The following ZAR1L variants were observed in gnomAD, a reference collection of about 807,000 sequenced individuals.
ZAR1L encodes the protein zygote arrest 1 like.
In ZAR1L, 16 loss-of-function variants were observed where a neutral mutation model predicts 30.0. The observed-to-expected ratio is 0.53, with a 90% CI of 0.36 to 0.81. The LOEUF is 0.81. ZAR1L is among the 30% of genes least tolerant of loss of function. ZAR1L has a pLI of 0.00. For synonymous variants in ZAR1L, 197 were observed against 166.8 expected (o/e 1.18, Z -1.40); for missense variants, 392 against 417.2 (o/e 0.94, Z 0.53).
At position 32,312,099 on chromosome 13, in the gene ZAR1L, T is replaced by G. The variant is rs1209481919; in HGVS notation, c.-168-6A>C. 1.6e-5 allele frequency: 12 copies of G among 766,584 alleles called. No individual in the cohort carries two copies. The South Asian group carries it at 1.6e-4, about 10-fold the overall frequency. 47.5% of individuals were successfully genotyped at this position (766,584 alleles called of 1,614,324 possible). A position where few individuals can be genotyped will look rare whatever the true frequency, so the allele number is the denominator to read the frequency against. On this transcript the variant is annotated splice_region_variant and splice_polypyrimidine_tract_variant and intron_variant, in intron 2 of 5. Coordinates refer to ENST00000533490, the MANE Select transcript of ZAR1L (RefSeq NM_001136571.2). Reference sequence around the variant, plus strand: ...GGGAGCTGCTGCTTATTACCCTGATTGAGGGAGAGAAGCTCTATCTACAGA... The same window carrying G: ...GGGAGCTGCTGCTTATTACCCTGATGGAGGGAGAGAAGCTCTATCTACAGA...
At chr13:32,306,518 A>T (rs1403025570) in intron 5 of ZAR1L, among the ~76,000 whole-genome samples, 1 of 152,250 alleles carries the variant, frequency 6.6e-6, no homozygotes, top group Non-Finnish European at 1.5e-5. Flanking sequence ...TTACTTCAAA[A>T]GAGATGCAAT....
intron 2 of ZAR1L, among the ~76,000 whole-genome samples, chr13:32,312,391 G>C (rs2072219716): frequency 2.0e-5 from 3 of 152,188 alleles, no homozygotes; most frequent in African/African-American, 7.2e-5. Flanking sequence ...AGATAATCCA[G>C]TAATCCCACC....
chr13:32,303,886 A>G lies in ZAR1L; in HGVS notation c.959T>C (p.Val320Ala). 1 of 1,551,720 alleles carries G rather than the reference A, an allele frequency of 6.4e-7. No individual in the cohort carries two copies. ...SCGNIYSFKYVM is the reference protein window; with the variant it reads ...SCGNIYSFKYAM ...CAAGTCACACTGTACAAGTCACATC[A>G]CATATTTAAAGCTGTAAATATTGCC... The change falls in exon 6 of 6, where the codon GTG becomes GCG. Residue 320 changes from valine to alanine, a missense_variant. By Grantham distance (64) the Val-to-Ala change is moderately conservative. Transcript: ENST00000533490.
chr13:32,311,336 T>C lies in ZAR1L; in HGVS notation c.590A>G (p.Glu197Gly). Residue 197 changes from glutamate (E) to glycine (G), a missense_variant, in exon 3 of 6, where the codon GAG (glutamate) becomes GGG (glycine). Transcript: ENST00000533490. ...TCCAGGCACCTGCTTGCTCTTCGTC[T>C]CCTGAGGGCACGGGGCGTCTTTCTC... ...SGEKDAPCPQ[E>G]TKSKQVPGDA... The C allele has an allele frequency of 6.4e-7, 1 of 1,550,968 alleles. No homozygotes were observed. The highest frequency in any genetic ancestry group is 8.7e-7 in the Non-Finnish European group (1 of 1,146,958).
chr13:32,311,228 G>T (rs535533648), intron 3 of ZAR1L, 44 bp downstream of exon 3: 1 of 1,496,556 alleles, frequency 6.7e-7, no homozygotes. Context: ...GGAGGGAGGG[G>T]ATGAGGCTGG....
intron 5 of ZAR1L, 97 bp downstream of exon 5, chr13:32,308,585 CACAT>C: frequency 1.2e-6 from 1 of 819,504 alleles, no homozygotes. Context: ...ACAGAACACT[CACAT>C]ACCAATATCC....
chr13:32,309,367 G>A (rs1415423455), intron 4 of ZAR1L, among the ~76,000 whole-genome samples: 2 of 152,162 alleles, frequency 1.3e-5, no homozygotes, highest in African/African-American at 2.4e-5. Context: ...TACCACAGTA[G>A]ATACTCAATG....
intron 5 of ZAR1L, among the ~76,000 whole-genome samples, chr13:32,308,292 C>T (rs1157815806): frequency 3.3e-5 from 5 of 152,174 alleles, no homozygotes; most frequent in African/African-American, 1.2e-4. Flanking sequence ...TTATTTTGAA[C>T]TTAGCTTTCA....
At position 32,311,842 on chromosome 13, in the gene ZAR1L, C is replaced by A; in HGVS notation, c.84G>T (p.Gly28=). The change falls in exon 3 of 6, where the codon GGG becomes GGT. Residue 28 remains glycine, a synonymous_variant. Coordinates refer to ENST00000533490, the MANE Select transcript of ZAR1L (RefSeq NM_001136571.2). ...TVPLGQPGLS[G]HKQPDWRQNM... ...TTTGCCTCCAGTCGGGCTGTTTGTGCCCTGAGAGTCCAGGCTGGCCCAAAG... is the reference window on the plus strand; with the variant it reads ...TTTGCCTCCAGTCGGGCTGTTTGTGACCTGAGAGTCCAGGCTGGCCCAAAG... 6.4e-7 allele frequency: 1 copy of A among 1,551,692 alleles called. No homozygotes were observed. Among genetic ancestry groups the A allele is most frequent in the Non-Finnish European group, 8.7e-7 (1 of 1,147,002 alleles).
intron 1 of ZAR1L, among the ~76,000 whole-genome samples, chr13:32,314,801 G>A (rs1436545443): frequency 6.6e-6 from 1 of 152,106 alleles, no homozygotes; most frequent in Non-Finnish European, 1.5e-5. Context: ...GCGGTGAGCG[G>A]AGATTGCGCC....
At chr13:32,314,712 C>A (rs1043086780) in intron 1 of ZAR1L, among the ~76,000 whole-genome samples, 162 bp from the exon 2 acceptor site, 2 of 151,924 alleles carry the variant, frequency 1.3e-5, no homozygotes, top group African/African-American at 4.8e-5. Context: ...GTTAGCCGTG[C>A]GTGGTGGCCC....
At chr13:32,310,037 C>T (rs555158299) in intron 4 of ZAR1L, among the ~76,000 whole-genome samples, 2 of 152,172 alleles carry the variant, frequency 1.3e-5, no homozygotes, top group Non-Finnish European at 2.9e-5. Flanking sequence ...TGTTGCAAAA[C>T]GAGGTGCACA....
At chr13:32,310,333 A>C (rs965708924) in intron 4 of ZAR1L, among the ~76,000 whole-genome samples, 4 of 152,232 alleles carry the variant, frequency 2.6e-5, no homozygotes, top group Non-Finnish European at 5.9e-5. Context: ...TAAGGCCCAG[A>C]CCTGTTCCAA....
chr13:32,307,168 G>A (rs1176301900), intron 5 of ZAR1L, among the ~76,000 whole-genome samples: 1 of 152,014 alleles, frequency 6.6e-6, no homozygotes, highest in Admixed American at 6.6e-5. Flanking sequence ...ATATAAGTTA[G>A]GATGTAGTTA....
chr13:32,309,929 C>T (rs577823798), intron 4 of ZAR1L, among the ~76,000 whole-genome samples: 108 of 152,360 alleles, frequency 7.1e-4, no homozygotes, highest in African/African-American at 2.5e-3. Context: ...TCTCTCTCCA[C>T]AGTCCTTTGG....
rs374728373 is a variant in ZAR1L, at chr13:32,311,332, C to T, written c.594G>A (p.Thr198=). 1.9e-6 allele frequency: 3 copies of T among 1,550,800 alleles called. No homozygotes were observed. The highest frequency in any genetic ancestry group is 2.7e-5 in the African/African-American group (2 of 73,042). ...CGTCTCCAGGCACCTGCTTGCTCTT[C>T]GTCTCCTGAGGGCACGGGGCGTCTT... is the stretch of plus-strand genomic sequence containing the variant. ...GEKDAPCPQE[T]KSKQVPGDAA... Residue 198 remains threonine, a synonymous_variant, in exon 3 of 6, where the codon ACG becomes ACA. Transcript: ENST00000533490.
At chr13:32,308,266 T>C (rs1409627630) in intron 5 of ZAR1L, among the ~76,000 whole-genome samples, 6 of 152,232 alleles carry the variant, frequency 3.9e-5, no homozygotes, top group African/African-American at 1.4e-4. Context: ...ATACTATCCA[T>C]CTAACCTTGG....
chr13:32,307,792 G>A (rs908074960), intron 5 of ZAR1L, among the ~76,000 whole-genome samples: 6 of 151,884 alleles, frequency 4.0e-5, no homozygotes, highest in African/African-American at 1.5e-4. Flanking sequence ...TTTTCGAAAT[G>A]TCAATTAATT....
chr13:32,310,117 G>A (rs916370826), intron 4 of ZAR1L, among the ~76,000 whole-genome samples: 1 of 152,262 alleles, frequency 6.6e-6, no homozygotes, highest in Non-Finnish European at 1.5e-5. Flanking sequence ...GGTCTCTAAT[G>A]ACCAGAGCCT....
Sources: gnomAD v4.1 joint callset for allele counts (sites outside exome capture counted in the v4.1 genomes callset) on GRCh38, gnomAD v4.1.1 for gene constraint, MANE v1.5 for transcripts, NCBI Gene and HGNC (gene_info 2026-07-23, HGNC 2026-07-21) for gene names.